Variants in ECT2L observed in about 807,000 individuals in gnomAD.
ECT2L encodes the protein epithelial cell-transforming sequence 2 oncogene-like.
Under a neutral mutation model 122.8 loss-of-function variants are expected in ECT2L, and 126 were observed. The observed-to-expected ratio is 1.03, with a 90% CI of 0.89 to 1.19. The LOEUF (loss-of-function observed/expected upper bound fraction) is 1.19, where lower values mean the gene tolerates loss of function less well. ECT2L is among the 50% of genes most tolerant of loss of function. ECT2L has a pLI of 0.00. For synonymous variants in ECT2L, 385 were observed against 381.8 expected (o/e 1.01, Z -0.10); for missense variants, 1,012 against 1,064.1 (o/e 0.95, Z 0.68).
Position 138,834,935 on chromosome 6 carries a change from A to ACACTCTCTCT in ECT2L, c.180-3416_180-3415insACTCTCTCTC, listed in dbSNP as rs5880405. On this transcript the variant is annotated intron_variant, in intron 4 of 21. Transcript: ENST00000541398. ...CACACACACACACACACACACACAC[A>ACACTCTCTCT]CTCTCATTCTCTCTCTCTGTCTCTT... Among the ~76,000 whole-genome samples the ACACTCTCTCT allele has an allele frequency of 3.5e-3, 499 of 142,834 alleles. 2 individuals are homozygous for ACACTCTCTCT. The highest frequency in any genetic ancestry group is 5.0e-3 in the Admixed American group (71 of 14,310). The allele number at this position is 142,834 out of a possible 152,430, so 93.7% of individuals were successfully genotyped here. A position where few individuals can be genotyped will look rare whatever the true frequency, so the allele number is the denominator to read the frequency against.
chr6:138,881,366 C>G (rs1037306221), intron 15 of ECT2L, among the ~76,000 whole-genome samples, 195 bp downstream of exon 15: 1 of 151,910 alleles, frequency 6.6e-6, no homozygotes, highest in African/African-American at 2.4e-5. Context: ...CCCCTTCCCC[C>G]GTTCATAGCC....
chr6:138,853,799 G>A (rs1777526555), intron 9 of ECT2L, among the ~76,000 whole-genome samples: 1 of 152,162 alleles, frequency 6.6e-6, no homozygotes, highest in Admixed American at 6.6e-5. Flanking sequence ...GAAATGCAAT[G>A]TCGTAAACCT....
intron 7 of ECT2L, among the ~76,000 whole-genome samples, chr6:138,846,048 G>A (rs1003286123): frequency 2.6e-5 from 4 of 152,230 alleles, no homozygotes; most frequent in African/African-American, 2.4e-5. Context: ...TCCAGCCTGA[G>A]TGAGAGAACA....
chr6:138,806,511 C>CTTTTT (rs57786220), intron 1 of ECT2L, among the ~76,000 whole-genome samples: 3,483 of 89,356 alleles, frequency 0.039, 608 homozygotes, highest in African/African-American at 0.12. Flanking sequence ...AAAATTCACG[C>CTTTTT]TTTTTTTTTT....
chr6:138,899,295 G>C lies in ECT2L; in HGVS notation c.2415-1653G>C, dbSNP rs1779318576. On this transcript the variant is annotated intron_variant, in intron 20 of 21. Transcript: ENST00000541398. ...AATGATGGTGCACCCACACCATGAA[G>C]TACTAGTCATTAAAAAGAAGGAATA... Among the ~76,000 whole-genome samples the C allele has an allele frequency of 2.0e-5, 3 of 152,104 alleles. No homozygotes were observed. The South Asian group carries it at 6.2e-4, about 31-fold the overall frequency.
chr6:138,829,257 C>T (rs1026946202), intron 4 of ECT2L, among the ~76,000 whole-genome samples: 1 of 152,128 alleles, frequency 6.6e-6, no homozygotes, highest in African/African-American at 2.4e-5. Context: ...CCCCAAGGAG[C>T]CCTGTTTCCT....
intron 1 of ECT2L, among the ~76,000 whole-genome samples, chr6:138,803,555 C>A (rs773632217): frequency 6.6e-6 from 1 of 152,164 alleles, no homozygotes; most frequent in Non-Finnish European, 1.5e-5. Context: ...AATTTGTTTT[C>A]ATTTAGTGTT....
chr6:138,812,948 T>C lies in ECT2L; in HGVS notation c.-133T>C. ...TTCCCAGCAAAGTAAAAAACAACTT[T>C]TGTTTAAATTCAGATTTGGGTGAAA... On this transcript the variant is annotated 5_prime_UTR_variant, in exon 2 of 22. Coordinates refer to ENST00000541398, the MANE Select transcript of ECT2L (RefSeq NM_001077706.3). 4.4e-6 allele frequency: 1 copy of C among 224,762 alleles called. No individual in the cohort carries two copies. The highest frequency in any genetic ancestry group is 8.6e-6 in the Non-Finnish European group (1 of 116,688). 13.9% of individuals were successfully genotyped at this position (224,762 alleles called of 1,614,324 possible).
At chr6:138,835,682 C>T (rs182391491) in intron 4 of ECT2L, among the ~76,000 whole-genome samples, 65 of 152,212 alleles carry the variant, frequency 4.3e-4, no homozygotes, top group African/African-American at 1.5e-3. Context: ...ATGTGTGTTT[C>T]CTAAAACACA....
At chr6:138,896,584 T>C (rs993381103) in intron 20 of ECT2L, among the ~76,000 whole-genome samples, 1 of 152,222 alleles carries the variant, frequency 6.6e-6, no homozygotes, top group African/African-American at 2.4e-5. Context: ...TAATCAGTTT[T>C]GACTCAGGTC....
intron 10 of ECT2L, among the ~76,000 whole-genome samples, chr6:138,858,470 T>C (rs1487471107): frequency 1.3e-5 from 2 of 152,126 alleles, no homozygotes; most frequent in Admixed American, 1.3e-4. Flanking sequence ...ATAATTAATA[T>C]ACAATAAACT....
Position 138,902,701 on chromosome 6 carries a change from A to G in ECT2L, c.*74A>G. 6.5e-7 allele frequency: 1 copy of G among 1,541,270 alleles called. No individual in the cohort carries two copies. Among genetic ancestry groups the G allele is most frequent in the Non-Finnish European group, 8.9e-7 (1 of 1,123,358 alleles). On this transcript the variant is annotated 3_prime_UTR_variant, in exon 22 of 22. Transcript: ENST00000541398. Reference sequence around the variant, plus strand: ...GACAACATGTATTTTCTGTTCCAAAATATCCAGTAAGAAACAGAATAACTG... The same window carrying G: ...GACAACATGTATTTTCTGTTCCAAAGTATCCAGTAAGAAACAGAATAACTG...
intron 20 of ECT2L, among the ~76,000 whole-genome samples, chr6:138,890,773 T>C (rs1778996710): frequency 6.6e-6 from 1 of 152,160 alleles, no homozygotes; most frequent in South Asian, 2.1e-4. Flanking sequence ...GGTCAATGAA[T>C]TCTCTCAAAT....
intron 13 of ECT2L, among the ~76,000 whole-genome samples, chr6:138,871,732 G>A (rs936496537): frequency 1.3e-5 from 2 of 151,984 alleles, no homozygotes; most frequent in African/African-American, 2.4e-5. Context: ...CTGAACCAGG[G>A]AGGTAGAGGT....
chr6:138,825,232 T>C (rs887845456), intron 4 of ECT2L, among the ~76,000 whole-genome samples: 1 of 152,172 alleles, frequency 6.6e-6, no homozygotes, highest in Non-Finnish European at 1.5e-5. Context: ...GTGAGAGCCT[T>C]GGTTCTTCTT....
At chr6:138,884,750 T>C (rs1391666985) in intron 16 of ECT2L, among the ~76,000 whole-genome samples, 1 of 152,180 alleles carries the variant, frequency 6.6e-6, no homozygotes, top group Non-Finnish European at 1.5e-5. Flanking sequence ...CCATTAATAG[T>C]CAAGATCTTA....
At chr6:138,880,734 T>C (rs989422790) in intron 14 of ECT2L, among the ~76,000 whole-genome samples, 3 of 152,180 alleles carry the variant, frequency 2.0e-5, no homozygotes, top group Non-Finnish European at 4.4e-5. Context: ...AGATCCAAGA[T>C]TAAAAGTCCC....
intron 7 of ECT2L, among the ~76,000 whole-genome samples, chr6:138,844,876 C>T (rs919748113): frequency 6.6e-5 from 10 of 151,280 alleles, no homozygotes; most frequent in East Asian, 1.9e-4. Context: ...GCGATCCTCC[C>T]GCCATCCTCC....
intron 14 of ECT2L, among the ~76,000 whole-genome samples, 160 bp downstream of exon 14, chr6:138,876,718 C>CT (rs996261041): frequency 4.2e-4 from 64 of 151,484 alleles, no homozygotes; most frequent in African/African-American, 1.4e-3. Context: ...AGCTGGCAGA[C>CT]TTTTTTTTCA....
Sources: allele counts gnomAD v4.1 joint callset (sites outside exome capture counted in the v4.1 genomes callset), GRCh38; gene constraint gnomAD v4.1.1; transcripts MANE v1.5; gene names NCBI Gene and HGNC (gene_info 2026-07-23, HGNC 2026-07-21).